The following EPB41L5 variants were observed in gnomAD, a reference collection of about 807,000 sequenced individuals.
The protein encoded by EPB41L5 is erythrocyte membrane protein band 4.1 like 5.
Under a neutral mutation model 106.6 loss-of-function variants are expected in EPB41L5, and 55 were observed. The observed-to-expected ratio is 0.52, with a 90% CI of 0.42 to 0.65. The LOEUF is 0.65. Among genes scored for constraint, EPB41L5 ranks in the 30% least tolerant of loss-of-function variants. The pLI, the probability that EPB41L5 is intolerant of heterozygous loss-of-function variation, is 0.00. For missense variants in EPB41L5, 871 were observed against 882.1 expected (o/e 0.99, Z 0.16); for synonymous variants, 297 against 306.7 (o/e 0.97, Z 0.33).
At chr2:120,127,193 G>T (rs1685491653) in intron 16 of EPB41L5, among the ~76,000 whole-genome samples, 1 of 152,050 alleles carries the variant, frequency 6.6e-6, no homozygotes, top group African/African-American at 2.4e-5. Flanking sequence ...TTTCAGGTGG[G>T]AGGGCAGACC....
intron 16 of EPB41L5, among the ~76,000 whole-genome samples, chr2:120,116,512 A>C (rs1453266365): frequency 6.6e-6 from 1 of 152,070 alleles, no homozygotes; most frequent in African/African-American, 2.4e-5. Context: ...TTTTCTTAAA[A>C]GTAATGATGA....
At chr2:120,044,292 T>C (rs1462204446) in intron 3 of EPB41L5, among the ~76,000 whole-genome samples, 1 of 152,200 alleles carries the variant, frequency 6.6e-6, no homozygotes, top group East Asian at 1.9e-4. Context: ...AATTCTCTTT[T>C]ATTAGACTAA....
intron 17 of EPB41L5, 96 bp from the exon 18 acceptor site, chr2:120,131,522 T>C: frequency 1.4e-6 from 1 of 735,092 alleles, no homozygotes; most frequent in Non-Finnish European, 2.4e-6. Context: ...TGATGATAAC[T>C]GATGTTGAGA....
chr2:120,133,407 G>A (rs1685790065), intron 18 of EPB41L5, among the ~76,000 whole-genome samples: 1 of 152,182 alleles, frequency 6.6e-6, no homozygotes, highest in Non-Finnish European at 1.5e-5. Flanking sequence ...CCCCTATGGA[G>A]GAGTGTGGTG....
chr2:120,028,492 T>C (rs1678488620), intron 2 of EPB41L5, among the ~76,000 whole-genome samples: 1 of 151,906 alleles, frequency 6.6e-6, no homozygotes, highest in African/African-American at 2.4e-5. Flanking sequence ...ACTATGATCA[T>C]CCCACTGCAC....
intron 3 of EPB41L5, among the ~76,000 whole-genome samples, chr2:120,069,392 G>C (rs1053977105): frequency 6.6e-6 from 1 of 151,984 alleles, no homozygotes; most frequent in Non-Finnish European, 1.5e-5. Flanking sequence ...ACACCCCACT[G>C]TCAATATTAG....
chr2:120,095,578 G>C (rs1334517813), intron 14 of EPB41L5, among the ~76,000 whole-genome samples: 2 of 149,692 alleles, frequency 1.3e-5, no homozygotes, highest in African/African-American at 4.9e-5. Flanking sequence ...CCACTTAAAT[G>C]TTTGTTTCAC....
intron 3 of EPB41L5, among the ~76,000 whole-genome samples, chr2:120,057,136 C>G (rs894497074): frequency 6.6e-6 from 1 of 152,094 alleles, no homozygotes; most frequent in Admixed American, 6.5e-5. Context: ...GCAAGTGATC[C>G]TCTTCAGCCT....
At chr2:120,087,963 G>T (rs1327934991) in intron 11 of EPB41L5, among the ~76,000 whole-genome samples, 2 of 152,206 alleles carry the variant, frequency 1.3e-5, no homozygotes, top group East Asian at 1.9e-4. Context: ...ATTATGTATT[G>T]AATGACTCCA....
chr2:120,102,521 C>T (rs1684210440), intron 16 of EPB41L5, among the ~76,000 whole-genome samples: 1 of 152,050 alleles, frequency 6.6e-6, no homozygotes, highest in African/African-American at 2.4e-5. Context: ...GCATTTCATT[C>T]TTTTTTCTGC....
At chr2:120,152,755 T>C (rs1457929454) in intron 20 of EPB41L5, among the ~76,000 whole-genome samples, 1 of 152,262 alleles carries the variant, frequency 6.6e-6, no homozygotes, top group Non-Finnish European at 1.5e-5. Flanking sequence ...GGAAAGTTTT[T>C]GATTACTGAT....
Position 120,063,738 on chromosome 2 carries a change from G to C in EPB41L5, c.286-9440G>C, listed in dbSNP as rs575666057. ...AGAGGGGCGGATCACCTGAGGTCAG[G>C]AGTTCAAGTTCAGCCTACATGGCGA... On this transcript the variant is annotated intron_variant, in intron 3 of 24. Coordinates refer to ENST00000263713, the MANE Select transcript of EPB41L5 (RefSeq NM_020909.4). Among the ~76,000 whole-genome samples the C allele has an allele frequency of 2.0e-5, 3 of 152,294 alleles. No individual in the cohort carries two copies. In the South Asian group the frequency reaches 6.2e-4, roughly 32 times the overall value.
At chr2:120,087,808 C>T (rs1352907984) in intron 11 of EPB41L5, among the ~76,000 whole-genome samples, 1 of 140,722 alleles carries the variant, frequency 7.1e-6, no homozygotes, top group African/African-American at 2.8e-5. Context: ...TCTTTATTAA[C>T]TGATCAAAAA....
chr2:120,091,562 ACAGAGTAT>A lies in EPB41L5; in HGVS notation c.1056_1063del (p.Glu352AspfsTer6), dbSNP rs755767236. On this transcript the variant is annotated frameshift_variant, in exon 13 of 25. Transcript: ENST00000263713. LOFTEE classifies it high-confidence loss of function. ...CTGTTATGCCTCATTTAGTGGGAAA[ACAGAGTAT>A]CAGACCACAAAAACCAATAAAGCAA... The A allele has an allele frequency of 6.2e-7, 1 of 1,613,234 alleles. No homozygotes were observed. Among genetic ancestry groups the A allele is most frequent in the Non-Finnish European group, 8.5e-7 (1 of 1,179,484 alleles).
Position 120,167,858 on chromosome 2 carries a change from G to T in EPB41L5, c.2005-19G>T. ...AGGTATTGTTACCCTGTATTTAGTT[G>T]TGTGTGTATCTCCCACAGCAGAGTG... On this transcript the variant is annotated intron_variant, in intron 23 of 24. Coordinates refer to ENST00000263713, the MANE Select transcript of EPB41L5 (RefSeq NM_020909.4). 6.2e-7 allele frequency: 1 copy of T among 1,614,064 alleles called. No homozygotes were observed. Among genetic ancestry groups the T allele is most frequent in the South Asian group, 1.1e-5 (1 of 91,072 alleles).
chr2:120,042,995 A>ATGTGTGTGTGTG (rs60253351), intron 3 of EPB41L5, among the ~76,000 whole-genome samples: 41 of 70,114 alleles, frequency 5.8e-4, no homozygotes, highest in African/African-American at 1.4e-3. Flanking sequence ...TTTTCTGGAA[A>ATGTGTGTGTGTG]TGTGTGTGTG....
intron 16 of EPB41L5, chr2:120,104,434 T>C: frequency 1.5e-6 from 2 of 1,345,198 alleles, no homozygotes; most frequent in Non-Finnish European, 1.9e-6. Context: ...ATAGCATCAA[T>C]GATAATGACA....
intron 3 of EPB41L5, among the ~76,000 whole-genome samples, chr2:120,049,274 C>G (rs1307402535): frequency 6.6e-6 from 1 of 152,034 alleles, no homozygotes; most frequent in Non-Finnish European, 1.5e-5. Context: ...TTAAAGTCTC[C>G]CATTATTATT....
At chr2:120,125,856 C>T (rs1037715890) in intron 16 of EPB41L5, among the ~76,000 whole-genome samples, 4 of 152,000 alleles carry the variant, frequency 2.6e-5, no homozygotes, top group East Asian at 1.9e-4. Context: ...TGTTAGAAGT[C>T]GAAGGGCAAG....
Sources: allele counts gnomAD v4.1 joint callset (sites outside exome capture counted in the v4.1 genomes callset), GRCh38; gene constraint gnomAD v4.1.1; transcripts MANE v1.5; gene names NCBI Gene and HGNC (gene_info 2026-07-23, HGNC 2026-07-21).